The following SYN1 variants were observed in gnomAD, a reference collection of about 807,000 sequenced individuals.
SYN1 encodes the protein synapsin I, also known as synapsin-1.
SYN1 carries 8 observed loss-of-function variants against 44.6 expected under a neutral mutation model. The observed-to-expected ratio is 0.18, with a 90% CI of 0.11 to 0.32. The LOEUF is 0.32. SYN1 is among the 10% of genes least tolerant of loss of function. The probability of loss-of-function intolerance (pLI) is 1.00; values close to 1 mark genes in which losing one functional copy is unlikely to be tolerated. For synonymous variants in SYN1, 275 were observed against 280.1 expected (o/e 0.98, Z 0.18); for missense variants, 451 against 639.4 (o/e 0.71, Z 3.18).
chrX:47,595,223 T>C (rs905449540), intron 5 of SYN1, among the ~76,000 whole-genome samples: 1 of 111,796 alleles, frequency 8.9e-6, no homozygotes, highest in Admixed American at 9.5e-5. Context: ...TTCATCTGTA[T>C]CCTTTGTAAT....
rs777705880 is a variant in SYN1 at position 47,576,478 on chromosome X, G to T, written c.980+20C>A. 103 of 1,210,683 alleles carry T rather than the reference G, an allele frequency of 8.5e-5. No homozygotes were observed. The South Asian group carries it at 1.7e-3, about 19-fold the overall frequency. The stretch of plus-strand genomic sequence containing the variant: ...GGCAAGGCAGGGGACCCCTTCCAGG[G>T]CTTTGGTCTCTCCACTCACATGTAG... On this transcript the variant is annotated intron_variant, in intron 7 of 12. Transcript: ENST00000295987.
chrX:47,586,488 A>G (rs766658534), intron 5 of SYN1: 5 of 1,200,664 alleles, frequency 4.2e-6, no homozygotes, highest in South Asian at 3.6e-5. Context: ...GGCAGGGAGA[A>G]GCCCTCAGAG....
At chrX:47,575,523 C>T (rs1268824981) in intron 9 of SYN1, among the ~76,000 whole-genome samples, 2 of 111,922 alleles carry the variant, frequency 1.8e-5, no homozygotes, top group Non-Finnish European at 1.9e-5. Flanking sequence ...CTGTATGACC[C>T]AGAGCTAAGG....
At position 47,617,051 on chromosome X, in the gene SYN1, A is replaced by G. The variant is rs115446003; in HGVS notation, c.377+2301T>C. 7.9e-3 allele frequency among the ~76,000 whole-genome samples: 884 copies of G among 111,479 alleles called. 10 individuals are homozygous for G. The highest frequency in any genetic ancestry group is 0.028 in the African/African-American group (850 of 30,623). On this transcript the variant is annotated intron_variant, in intron 1 of 12. Transcript: ENST00000295987. ...GGATTTCAAGCACACCTGCATTTAG[A>G]AAAAAAAGAAGGAAGGGGAGCTGAA...
At chrX:47,577,575 GGATCCCA>G in intron 5 of SYN1, 74 bp from the exon 6 acceptor site, 1 of 967,812 alleles carries the variant, frequency 1.0e-6, no homozygotes, top group Admixed American at 2.5e-5. Context: ...GGCACTGAGG[GGATCCCA>G]GCCAGTGGGA....
intron 1 of SYN1, among the ~76,000 whole-genome samples, chrX:47,613,117 C>T (rs1603075419): frequency 1.2e-5 from 1 of 83,565 alleles, no homozygotes; most frequent in African/African-American, 5.0e-5. Context: ...GGCAATAGAG[C>T]GAGACTCCGT....
chrX:47,610,934 T>C (rs1339685381), intron 1 of SYN1, among the ~76,000 whole-genome samples: 2 of 111,233 alleles, frequency 1.8e-5, no homozygotes, highest in African/African-American at 6.5e-5. Context: ...ATAAGAAACA[T>C]GCTGGTGAGG....
chrX:47,617,915 A>T (rs901952136), intron 1 of SYN1, among the ~76,000 whole-genome samples: 4 of 111,664 alleles, frequency 3.6e-5, no homozygotes, highest in African/African-American at 1.3e-4. Flanking sequence ...GGGGATGGAC[A>T]TATAGTCACC....
intron 1 of SYN1, among the ~76,000 whole-genome samples, chrX:47,614,792 G>A (rs1036024190): frequency 3.6e-5 from 4 of 112,024 alleles, no homozygotes; most frequent in African/African-American, 1.3e-4. Context: ...CCTCCCAGGG[G>A]GCAGCCTACA....
At chrX:47,579,591 T>G (rs1169515982) in intron 5 of SYN1, among the ~76,000 whole-genome samples, 2 of 109,957 alleles carry the variant, frequency 1.8e-5, no homozygotes, top group Non-Finnish European at 3.8e-5. Flanking sequence ...CCACTCTCCA[T>G]TTCAAAACTG....
chrX:47,591,675 C>T (rs945034749), intron 5 of SYN1, among the ~76,000 whole-genome samples: 3 of 107,124 alleles, frequency 2.8e-5, no homozygotes, highest in Non-Finnish European at 3.8e-5. Flanking sequence ...GAGCCAAGAT[C>T]GCGCCACTGC....
chrX:47,572,752 T>C lies in SYN1; in HGVS notation c.*112A>G. ...TCTTGAGGAATGAGAGGTGGAATCTTGGAGAACCGGGAGATGGGTTCTCAA... is the reference window on the plus strand; with the variant it reads ...TCTTGAGGAATGAGAGGTGGAATCTCGGAGAACCGGGAGATGGGTTCTCAA... On this transcript the variant is annotated 3_prime_UTR_variant, in exon 13 of 13. Coordinates refer to ENST00000295987, the MANE Select transcript of SYN1 (RefSeq NM_006950.3). The C allele has an allele frequency of 1.8e-6, 2 of 1,100,988 alleles. No homozygotes were observed. The highest frequency in any genetic ancestry group is 2.5e-6 in the Non-Finnish European group (2 of 803,081). The allele number at this position is 1,100,988 out of a possible 1,213,427, so 90.7% of individuals were successfully genotyped here. A position where few individuals can be genotyped will look rare whatever the true frequency, so the allele number is the denominator to read the frequency against.
intron 5 of SYN1, among the ~76,000 whole-genome samples, chrX:47,598,656 C>T (rs1446457666): frequency 1.8e-5 from 2 of 111,023 alleles, no homozygotes; most frequent in African/African-American, 6.5e-5. Flanking sequence ...TGAAACCCCG[C>T]CTCAATTAAA....
At position 47,619,704 on chromosome X, in the gene SYN1, A is replaced by G; in HGVS notation, c.25T>C (p.Ser9Pro). The G allele has an allele frequency of 8.5e-7, 1 of 1,170,948 alleles. No individual in the cohort carries two copies. The change falls in exon 1 of 13, where the codon TCG becomes CCG. Residue 9 changes from serine (S) to proline (P), a missense_variant. By Grantham distance (74) the Ser-to-Pro change is moderately conservative (BLOSUM62 -1). This residue lies in a region of SYN1 where 315 missense variants were observed against 451.4 expected (regional missense o/e 0.70). Coordinates refer to ENST00000295987, the MANE Select transcript of SYN1 (RefSeq NM_006950.3). The part of the protein sequence containing the change: MNYLRRRL[S>P]DSNFMANLPN... ...AGATTGGCCATAAAGTTGCTGTCCGACAGGCGGCGCCGCAGGTAGTTCATG... is the reference window on the plus strand; with the variant it reads ...AGATTGGCCATAAAGTTGCTGTCCGGCAGGCGGCGCCGCAGGTAGTTCATG...
chrX:47,587,003 C>T (rs2057829916), intron 5 of SYN1, among the ~76,000 whole-genome samples: 1 of 113,015 alleles, frequency 8.8e-6, no homozygotes, highest in African/African-American at 3.2e-5. Flanking sequence ...TCAACCGTAA[C>T]CTCTGAATAA....
At position 47,574,328 on chromosome X, in the gene SYN1, C is replaced by T. The variant is rs975694930; in HGVS notation, c.1656G>A (p.Pro552=). ...GGGGGCCCGCCTGGCGCTGGGGAGACGGAGAGGCGGGCGGGCGGGCTGCTG... is the reference window on the plus strand; with the variant it reads ...GGGGGCCCGCCTGGCGCTGGGGAGATGGAGAGGCGGGCGGGCGGGCTGCTG... The part of the protein sequence containing the change: ...APPAARPPAS[P]SPQRQAGPPQ... The change falls in exon 12 of 13, where the codon CCG becomes CCA. Residue 552 remains proline, a synonymous_variant. Transcript: ENST00000295987. 1 of 1,060,025 alleles carries T rather than the reference C, an allele frequency of 9.4e-7. No homozygotes were observed. The highest frequency in any genetic ancestry group is 1.2e-6 in the Non-Finnish European group (1 of 828,170). The allele number at this position is 1,060,025 out of a possible 1,213,427, so 87.4% of individuals were successfully genotyped here.
chrX:47,605,109 C>T (rs368950709), intron 4 of SYN1, 42 bp from the exon 5 acceptor site: 57 of 1,200,153 alleles, frequency 4.7e-5, no homozygotes, highest in African/African-American at 1.1e-4. Context: ...TCCTTCACCA[C>T]GAATCTGTAA....
intron 5 of SYN1, among the ~76,000 whole-genome samples, chrX:47,596,622 A>G (rs1384111146): frequency 8.9e-6 from 1 of 112,801 alleles, no homozygotes; most frequent in Non-Finnish European, 1.9e-5. Context: ...TTAGCTGACC[A>G]CTAAGCTAAC....
intron 5 of SYN1, chrX:47,585,248 G>A (rs776140969): frequency 6.6e-6 from 8 of 1,204,781 alleles, no homozygotes; most frequent in East Asian, 3.0e-5. Flanking sequence ...GCTGACATCC[G>A]GTTCGTCTAC....
Sources: allele counts gnomAD v4.1 joint callset (sites outside exome capture counted in the v4.1 genomes callset), GRCh38; gene constraint gnomAD v4.1.1; regional missense constraint gnomAD v4.1.1; transcripts MANE v1.5; gene names NCBI Gene and HGNC (gene_info 2026-07-23, HGNC 2026-07-21).